NUP214: variants seen among roughly 807,000 people sequenced by gnomAD.
NUP214 encodes the protein nucleoporin 214.
Under a neutral mutation model 196.2 loss-of-function variants are expected in NUP214, and 79 were observed. That is an observed-to-expected ratio of 0.40 (90% CI 0.34 to 0.49). NUP214 has a LOEUF of 0.49. Ranked by LOEUF, NUP214 falls within the 20% of genes least tolerant of loss-of-function variation. NUP214 has a pLI of 0.58. For synonymous variants in NUP214, 1,020 were observed against 990.5 expected, an observed-to-expected ratio of 1.03 and a Z score of -0.56; for missense variants, 2,468 against 2,539.0, an observed-to-expected ratio of 0.97 and a Z score of 0.60.
chr9:131,144,824 AG>A (rs1410585406), intron 12 of NUP214, 70 bp downstream of exon 12: 18 of 1,223,826 alleles, frequency 1.5e-5, no homozygotes, highest in Non-Finnish European at 1.9e-5. Context: ...TACTAAAAGT[AG>A]AGTCACTCTG....
chr9:131,129,468 G>A lies in NUP214; in HGVS notation c.583G>A (p.Val195Ile). The change falls in exon 4 of 36, where the codon GTA becomes ATA. Residue 195 changes from valine to isoleucine, a missense_variant. By Grantham distance (29) the Val-to-Ile change is conservative (BLOSUM62 3). Around this residue, in one of 5 missense-constraint regions of NUP214, gnomAD observed 392 missense variants for 417.9 expected, o/e 0.94. Transcript: ENST00000359428. ...VCATLPSTVA[V>I]TSVCWSPKGK... The stretch of plus-strand genomic sequence containing the variant: ...TGCAACTCTTCCTTCCACGGTAGCA[G>A]TAACCTCTGGTGAGTAATAAAGGCT... The A allele has an allele frequency of 6.2e-7, 1 of 1,614,072 alleles. No homozygotes were observed. The highest frequency in any genetic ancestry group is 8.5e-7 in the Non-Finnish European group (1 of 1,179,928).
intron 32 of NUP214, among the ~76,000 whole-genome samples, chr9:131,225,487 C>G (rs1834695713): frequency 6.6e-6 from 1 of 152,200 alleles, no homozygotes; most frequent in Admixed American, 6.5e-5. Context: ...CCCAACTTTT[C>G]ATAGTAAGTA....
At chr9:131,163,202 A>G in intron 19 of NUP214, 29 bp downstream of exon 19, 2 of 1,578,062 alleles carry the variant, frequency 1.3e-6, no homozygotes, top group Non-Finnish European at 1.7e-6. Context: ...CTCAATAAAT[A>G]TGGGTGAATG....
At chr9:131,217,214 G>T (rs894260791) in intron 31 of NUP214, among the ~76,000 whole-genome samples, 1 of 152,134 alleles carries the variant, frequency 6.6e-6, no homozygotes, top group Non-Finnish European at 1.5e-5. Flanking sequence ...TAGTTATTTT[G>T]ATGTCACTGT....
rs530365673 is a variant in NUP214 at position 131,154,850 on chromosome 9, C to T, written c.2436+2956C>T. ...TTGTGTGTGTGTGTGTGTGCGCACG[C>T]GCACGCTCGCGTGTGTGTCACATTT... is the stretch of plus-strand genomic sequence containing the variant. On this transcript the variant is annotated intron_variant, in intron 17 of 35. Transcript: ENST00000359428. 5.1e-4 allele frequency among the ~76,000 whole-genome samples: 77 copies of T among 152,228 alleles called. No homozygotes were observed. The East Asian group carries it at 0.011, about 21-fold the overall frequency.
chr9:131,184,616 G>C (rs527758030), intron 24 of NUP214, among the ~76,000 whole-genome samples: 1 of 152,104 alleles, frequency 6.6e-6, no homozygotes, highest in East Asian at 1.9e-4. Flanking sequence ...GATTACAGGC[G>C]TGAGACACCG....
chr9:131,229,406 G>A (rs544017088), intron 33 of NUP214: 2 of 233,330 alleles, frequency 8.6e-6, no homozygotes, highest in African/African-American at 4.8e-5. Context: ...ATTCTCAGAG[G>A]TCTTAATGGA....
intron 30 of NUP214, among the ~76,000 whole-genome samples, chr9:131,206,855 C>A (rs1462579581): frequency 6.6e-6 from 1 of 152,188 alleles, no homozygotes; most frequent in African/African-American, 2.4e-5. Flanking sequence ...TGATAAACTC[C>A]ATATTGTTAC....
intron 11 of NUP214, among the ~76,000 whole-genome samples, chr9:131,143,175 T>A (rs1831976246): frequency 6.6e-6 from 1 of 151,972 alleles, no homozygotes; most frequent in Non-Finnish European, 1.5e-5. Context: ...CCTGGCTGAT[T>A]TTTGTATTTT....
chr9:131,178,481 C>G, intron 24 of NUP214, 71 bp downstream of exon 24: 1 of 1,073,062 alleles, frequency 9.3e-7, no homozygotes, highest in Non-Finnish European at 1.4e-6. Context: ...CTGCAGGGAG[C>G]AGCAGTGCCA....
intron 30 of NUP214, among the ~76,000 whole-genome samples, chr9:131,213,677 G>A (rs1333794212): frequency 3.3e-5 from 5 of 152,096 alleles, no homozygotes; most frequent in African/African-American, 1.2e-4. Context: ...CAGGGCCAAT[G>A]CTGTTAGGAC....
rs1834954709 is a variant in NUP214 at position 131,234,217 on chromosome 9, C to T, written c.*730C>T. ...GGGGCCGGTCACTTGAGAAGACAGC[C>T]TTTATATTCTGTATGTGGCAGTGAC... is the stretch of plus-strand genomic sequence containing the variant. On this transcript the variant is annotated 3_prime_UTR_variant, in exon 36 of 36. Transcript: ENST00000359428. The T allele has an allele frequency of 4.3e-6, 1 of 232,916 alleles. No individual in the cohort carries two copies. The highest frequency in any genetic ancestry group is 8.5e-6 in the Non-Finnish European group (1 of 117,950). 14.4% of individuals were successfully genotyped at this position (232,916 alleles called of 1,614,324 possible).
In NUP214 at chr9:131,187,302, T is replaced by C; in HGVS notation, c.3433T>C (p.Tyr1145His). The change falls in exon 25 of 36, where the codon TAC becomes CAC. Residue 1145 changes from tyrosine (Y) to histidine (H), a missense_variant. Physicochemically the swap from Tyr to His is moderately conservative, Grantham distance 83 (BLOSUM62 2). Coordinates refer to ENST00000359428, the MANE Select transcript of NUP214 (RefSeq NM_005085.4). Reference sequence around the variant, plus strand: ...TGTGTTTTTCAGTTCTTCAGTGCCCTACTCCACAGCCAAAACACCTCACCC... The same window carrying C: ...TGTGTTTTTCAGTTCTTCAGTGCCCCACTCCACAGCCAAAACACCTCACCC... Reference protein sequence around the residue: ...PSTAMGSSVPYSTAKTPHPVL... With the variant: ...PSTAMGSSVPHSTAKTPHPVL... 1.9e-6 allele frequency: 3 copies of C among 1,613,352 alleles called. No homozygotes were observed. Among genetic ancestry groups the C allele is most frequent in the Non-Finnish European group, 2.5e-6 (3 of 1,179,594 alleles).
intron 17 of NUP214, among the ~76,000 whole-genome samples, chr9:131,156,568 T>G (rs375211950): frequency 7.3e-4 from 111 of 152,172 alleles, no homozygotes; most frequent in African/African-American, 1.8e-3. Flanking sequence ...TTTTTTTTTT[T>G]TTGTTCTTTT....
At position 131,222,507 on chromosome 9, in the gene NUP214, G is replaced by A. The variant is rs373160330; in HGVS notation, c.5750-271G>A. The A allele has an allele frequency of 9.8e-5, 30 of 304,832 alleles. No individual in the cohort carries two copies. The Admixed American group carries it at 1.4e-3, about 15-fold the overall frequency. 18.9% of individuals were successfully genotyped at this position (304,832 alleles called of 1,614,324 possible). On this transcript the variant is annotated intron_variant, in intron 31 of 35. Coordinates refer to ENST00000359428, the MANE Select transcript of NUP214 (RefSeq NM_005085.4). ...GCTTCTACAAAGGAGCCTTTTCAGTGGGACCTCTCACTGCTCCTTTATTTT... is the reference window on the plus strand; with the variant it reads ...GCTTCTACAAAGGAGCCTTTTCAGTAGGACCTCTCACTGCTCCTTTATTTT...
At chr9:131,195,669 C>T (rs147804349) in intron 28 of NUP214, 270 of 174,742 alleles carry the variant, frequency 1.5e-3, no homozygotes, top group African/African-American at 6.1e-3. Context: ...AATGAAAGAC[C>T]AAACTCGTTT....
chr9:131,135,067 T>A, intron 8 of NUP214, 63 bp downstream of exon 8: 1 of 1,114,818 alleles, frequency 9.0e-7, no homozygotes, highest in South Asian at 1.3e-5. Flanking sequence ...TGAGTCACCT[T>A]GTCCCATGTT....
At chr9:131,170,440 C>T (rs77799274) in intron 21 of NUP214, among the ~76,000 whole-genome samples, 1 of 152,310 alleles carries the variant, frequency 6.6e-6, no homozygotes, top group East Asian at 1.9e-4. Context: ...AGTGAACTCT[C>T]AGTTCCTGAA....
rs1340833354 is a variant in NUP214 at position 131,192,338 on chromosome 9, T to G, written c.3659+46T>G. On this transcript the variant is annotated intron_variant, in intron 27 of 35. Coordinates refer to ENST00000359428, the MANE Select transcript of NUP214 (RefSeq NM_005085.4). ...TTATGGCAAATTACTAGCAATTAGC[T>G]TCCCCAAATCTTACAATTATAGATA... is the stretch of plus-strand genomic sequence containing the variant. The G allele has an allele frequency of 5.3e-6, 6 of 1,121,920 alleles. No homozygotes were observed. In the South Asian group the frequency reaches 6.8e-5, roughly 13 times the overall value. 69.5% of individuals were successfully genotyped at this position (1,121,920 alleles called of 1,614,324 possible).
Sources: allele counts gnomAD v4.1 joint callset (sites outside exome capture counted in the v4.1 genomes callset), GRCh38; gene constraint gnomAD v4.1.1; regional missense constraint gnomAD v4.1.1; transcripts MANE v1.5; gene names NCBI Gene and HGNC (gene_info 2026-07-23, HGNC 2026-07-21).